CCDC180: variants seen among roughly 807,000 people sequenced by gnomAD.
CCDC180 encodes coiled-coil domain-containing protein 180.
Under a neutral mutation model 209.2 loss-of-function variants are expected in CCDC180, and 154 were observed. That is an observed-to-expected ratio of 0.74 (90% CI 0.65 to 0.84). CCDC180 has a LOEUF of 0.84. Among genes scored for constraint, CCDC180 ranks in the 40% least tolerant of loss-of-function variants. The probability of loss-of-function intolerance (pLI) is 0.00; values close to 1 mark genes in which losing one functional copy is unlikely to be tolerated. For missense variants in CCDC180, 1,874 were observed against 1,997.3 expected, an observed-to-expected ratio of 0.94 and a Z score of 1.18; for synonymous variants, 778 against 749.1, an observed-to-expected ratio of 1.04 and a Z score of -0.63.
chr9:97,340,138 C>A (rs1826033590), intron 18 of CCDC180, among the ~76,000 whole-genome samples: 1 of 152,108 alleles, frequency 6.6e-6, no homozygotes, highest in Admixed American at 6.6e-5. Context: ...TTGTTATTAC[C>A]AACTTTCTGA....
In CCDC180 at chr9:97,377,017, GCAC is replaced by G; in HGVS notation, c.*124_*126del. 3 of 1,162,764 alleles carry G rather than the reference GCAC, an allele frequency of 2.6e-6. No individual in the cohort carries two copies. Among genetic ancestry groups the G allele is most frequent in the Non-Finnish European group, 3.5e-6 (3 of 847,056 alleles). 72.0% of individuals were successfully genotyped at this position (1,162,764 alleles called of 1,614,324 possible). A position where few individuals can be genotyped will look rare whatever the true frequency, so the allele number is the denominator to read the frequency against. On this transcript the variant is annotated 3_prime_UTR_variant, in exon 37 of 37. Coordinates refer to ENST00000529487, the MANE Select transcript of CCDC180 (RefSeq NM_020893.6). ...TCCCTCCACCCCTGCTCTGTGCCGG[GCAC>G]TGTAGCTTTACCAGCGAACAGGACA...
chr9:97,366,791 C>T lies in CCDC180; in HGVS notation c.4189+91C>T, dbSNP rs1826936176. 1 of 1,399,218 alleles carries T rather than the reference C, an allele frequency of 7.1e-7. No individual in the cohort carries two copies. Among genetic ancestry groups the T allele is most frequent in the Non-Finnish European group, 9.6e-7 (1 of 1,040,620 alleles). The allele number at this position is 1,399,218 out of a possible 1,614,324, so 86.7% of individuals were successfully genotyped here. A position where few individuals can be genotyped will look rare whatever the true frequency, so the allele number is the denominator to read the frequency against. ...CCTTGGCCTTGTGGCCTGGATCCTC[C>T]CCTCTGGGGGAGGCAGAAGAGCTTC... On this transcript the variant is annotated intron_variant, in intron 31 of 36. Coordinates refer to ENST00000529487, the MANE Select transcript of CCDC180 (RefSeq NM_020893.6). The surrounding 1 kb of genome is among the most constrained non-coding windows in gnomAD (Gnocchi z 4.3).
intron 7 of CCDC180, 55 bp downstream of exon 7, chr9:97,314,783 G>A (rs1833107491): frequency 1.3e-6 from 2 of 1,599,662 alleles, no homozygotes; most frequent in African/African-American, 1.3e-5. Context: ...GGTTTATTAG[G>A]CATCCTTCTG....
chr9:97,374,787 C>T, intron 35 of CCDC180, 139 bp downstream of exon 35: 1 of 659,716 alleles, frequency 1.5e-6, no homozygotes, highest in South Asian at 2.0e-5. Flanking sequence ...GTTTCCTCAT[C>T]TATGAAATGA....
rs747667568 is a variant in CCDC180, at chr9:97,364,126, CGAGT to C, written c.3980+3_3980+6del. The C allele has an allele frequency of 1.4e-5, 23 of 1,613,854 alleles. No homozygotes were observed. In the Admixed American group the frequency reaches 3.0e-4, roughly 21 times the overall value. On this transcript the variant is annotated splice_donor_variant and coding_sequence_variant, in exon 29 of 37. Coordinates refer to ENST00000529487, the MANE Select transcript of CCDC180 (RefSeq NM_020893.6). LOFTEE classifies it high-confidence loss of function. The stretch of plus-strand genomic sequence containing the variant: ...TTGGGGACAAGCCTCCCCCTGCTGC[CGAGT>C]GAGTAACAACGCCTTTCCTTTTGAC...
intron 34 of CCDC180, 116 bp from the exon 35 acceptor site, chr9:97,374,427 C>T (rs1454147314): frequency 4.0e-6 from 3 of 743,654 alleles, no homozygotes; most frequent in East Asian, 2.7e-5. Flanking sequence ...CCTGCCATAA[C>T]TCCAAGTGGG....
At position 97,309,403 on chromosome 9, in the gene CCDC180, C is replaced by T; in HGVS notation, c.70-11C>T. ...GACCACTCCCCCATCCTTGGTCCTC[C>T]CTGGATTCAGGTGCAGCTGGTCCAC... On this transcript the variant is annotated splice_polypyrimidine_tract_variant and intron_variant, in intron 2 of 36. Coordinates refer to ENST00000529487, the MANE Select transcript of CCDC180 (RefSeq NM_020893.6). 1 of 1,598,800 alleles carries T rather than the reference C, an allele frequency of 6.3e-7. No homozygotes were observed. The highest frequency in any genetic ancestry group is 8.5e-7 in the Non-Finnish European group (1 of 1,173,542).
chr9:97,326,321 T>G (rs1190343327), intron 14 of CCDC180, among the ~76,000 whole-genome samples: 1 of 152,118 alleles, frequency 6.6e-6, no homozygotes, highest in African/African-American at 2.4e-5. Context: ...GCTGGTTCCC[T>G]AGGGGTATGA....
rs775558159 is a variant in CCDC180 at position 97,363,714 on chromosome 9, C to G, written c.3903-337C>G. 15 of 492,342 alleles carry G rather than the reference C, an allele frequency of 3.0e-5. No individual in the cohort carries two copies. The Admixed American group carries it at 3.9e-4, about 13-fold the overall frequency. 30.5% of individuals were successfully genotyped at this position (492,342 alleles called of 1,614,324 possible). ...TATTGTTATGGCTAAATCTGGCAAC[C>G]CTACCTGTGGCTCAATGTTTTTTTT... On this transcript the variant is annotated intron_variant, in intron 28 of 36. Coordinates refer to ENST00000529487, the MANE Select transcript of CCDC180 (RefSeq NM_020893.6).
chr9:97,336,216 T>C (rs1825899829), intron 18 of CCDC180, among the ~76,000 whole-genome samples: 2 of 152,254 alleles, frequency 1.3e-5, no homozygotes, highest in African/African-American at 2.4e-5. Flanking sequence ...CTTTTGGTGT[T>C]TTAGTCATGA....
chr9:97,363,812 C>G (rs1826836809), intron 28 of CCDC180: 1 of 573,258 alleles, frequency 1.7e-6, no homozygotes, highest in African/African-American at 1.9e-5. Context: ...CTTGCCCTCT[C>G]ACAGCAGCTG....
At chr9:97,314,814 A>G (rs1333531333) in intron 7 of CCDC180, 37 bp from the exon 8 acceptor site, 2 of 1,600,896 alleles carry the variant, frequency 1.2e-6, no homozygotes, top group Non-Finnish European at 1.7e-6. Context: ...GTTCTCCAGG[A>G]AGTGAGCCAC....
intron 18 of CCDC180, among the ~76,000 whole-genome samples, chr9:97,337,834 A>G (rs977051764): frequency 3.9e-5 from 6 of 152,310 alleles, no homozygotes; most frequent in Middle Eastern, 3.4e-3. Context: ...TATTGCCTCA[A>G]TTTCAGAGCC....
intron 22 of CCDC180, among the ~76,000 whole-genome samples, chr9:97,352,990 C>T (rs1234066774): frequency 2.0e-5 from 3 of 149,818 alleles, no homozygotes; most frequent in South Asian, 2.1e-4. Context: ...TATATATATA[C>T]ACATATATAC....
At position 97,371,691 on chromosome 9, in the gene CCDC180, G is replaced by A. The variant is rs2306093; in HGVS notation, c.4585G>A (p.Asp1529Asn). The change falls in exon 34 of 37, where the codon GAT becomes AAT. Residue 1529 changes from aspartate to asparagine, a missense_variant. Coordinates refer to ENST00000529487, the MANE Select transcript of CCDC180 (RefSeq NM_020893.6). ...GTTGGATGAGGTGGTCACCATTGAC[G>A]ATGTCCAGGTTGCAAGTAAGAGGCA... ...LQLDEVVTID[D>N]VQVARMEPPK... is the part of the protein sequence containing the mutation. 7.8e-3 allele frequency: 12,516 copies of A among 1,595,816 alleles called. 351 individuals carry two copies. In the East Asian group the frequency reaches 0.096, roughly 12 times the overall value.
chr9:97,311,015 C>T (rs1037574403), intron 3 of CCDC180, among the ~76,000 whole-genome samples: 1 of 152,190 alleles, frequency 6.6e-6, no homozygotes, highest in African/African-American at 2.4e-5. Context: ...ACATGAGTGG[C>T]AGAGCCAGGG....
chr9:97,370,926 T>G, intron 33 of CCDC180, 148 bp downstream of exon 33: 2 of 614,464 alleles, frequency 3.3e-6, no homozygotes, highest in Non-Finnish European at 5.4e-6. Flanking sequence ...AAAATGGCCA[T>G]TATTGGCTGT....
At position 97,317,286 on chromosome 9, in the gene CCDC180, G is replaced by T. The variant is rs185936790; in HGVS notation, c.959+58G>T. On this transcript the variant is annotated intron_variant, in intron 9 of 36. Transcript: ENST00000529487. ...CCACCAGGGGGGCTGGCAAAGGGTA[G>T]GGGCGGCATTCTCCCTCACTTTTTG... 328 of 1,405,406 alleles carry T rather than the reference G, an allele frequency of 2.3e-4. 3 individuals are homozygous for T. The East Asian group carries it at 5.5e-3, about 24-fold the overall frequency. The allele number at this position is 1,405,406 out of a possible 1,614,324, so 87.1% of individuals were successfully genotyped here.
chr9:97,322,860 G>T lies in CCDC180; in HGVS notation c.1187G>T (p.Arg396Leu). 6.2e-7 allele frequency: 1 copy of T among 1,614,016 alleles called. No homozygotes were observed. The highest frequency in any genetic ancestry group is 8.5e-7 in the Non-Finnish European group (1 of 1,180,010). ...ACCTACCACGTGGACTGCATGATGCGGATCCGCCTGCTGTATGAGAAGACA... is the reference window on the plus strand; with the variant it reads ...ACCTACCACGTGGACTGCATGATGCTGATCCGCCTGCTGTATGAGAAGACA... Reference protein sequence around the residue: ...LDTYHVDCMMRIRLLYEKTWQ... With the variant: ...LDTYHVDCMMLIRLLYEKTWQ... The change falls in exon 12 of 37, where the codon CGG (arginine) becomes CTG (leucine). Residue 396 changes from arginine to leucine, a missense_variant. Physicochemically the swap from Arg to Leu is moderately radical, Grantham distance 102 (BLOSUM62 -2). Coordinates refer to ENST00000529487, the MANE Select transcript of CCDC180 (RefSeq NM_020893.6).
Sources: gnomAD v4.1 joint callset for allele counts (sites outside exome capture counted in the v4.1 genomes callset) on GRCh38, gnomAD v4.1.1 for gene constraint, Gnocchi (gnomAD v3.1) non-coding constraint, MANE v1.5 for transcripts, NCBI Gene and HGNC (gene_info 2026-07-23, HGNC 2026-07-21) for gene names.